PLCH1: variants seen among roughly 807,000 people sequenced by gnomAD.
The protein encoded by PLCH1 is phospholipase C eta 1, also known as 1-phosphatidylinositol 4,5-bisphosphate phosphodiesterase eta-1.
A neutral mutation model predicts 126.7 loss-of-function variants in PLCH1; 60 were observed. The ratio of observed to expected loss-of-function variants is 0.47; its 90% CI spans 0.38 to 0.59. The LOEUF is 0.59. Ranked by LOEUF, PLCH1 falls within the 20% of genes least tolerant of loss-of-function variation. The pLI is 0.00. For synonymous variants in PLCH1, 719 were observed against 734.9 expected, an observed-to-expected ratio of 0.98 and a Z score of 0.35; for missense variants, 1,723 against 2,040.0, an observed-to-expected ratio of 0.84 and a Z score of 2.99.
intron 1 of PLCH1, among the ~76,000 whole-genome samples, chr3:155,710,265 T>C (rs1291734653): frequency 6.6e-6 from 1 of 152,100 alleles, no homozygotes; most frequent in East Asian, 1.9e-4. Flanking sequence ...TCTGGGATTA[T>C]AGACATGAAG....
At chr3:155,474,318 A>G (rs1356262559) in intron 21 of PLCH1, among the ~76,000 whole-genome samples, 2 of 147,858 alleles carry the variant, frequency 1.4e-5, no homozygotes, top group Non-Finnish European at 3.0e-5. Flanking sequence ...CAAAAAACAC[A>G]TGAAAAAATG....
At chr3:155,741,262 G>A (rs890721947) in intron 1 of PLCH1, among the ~76,000 whole-genome samples, 3 of 152,142 alleles carry the variant, frequency 2.0e-5, no homozygotes, top group Non-Finnish European at 2.9e-5. Flanking sequence ...AGCCAGCCTG[G>A]AATAAGCCCC....
intron 1 of PLCH1, among the ~76,000 whole-genome samples, chr3:155,717,910 A>G (rs1747649888): frequency 6.6e-6 from 1 of 152,116 alleles, no homozygotes; most frequent in East Asian, 1.9e-4. Flanking sequence ...TTTCTCTACC[A>G]CAAGGCCAGG....
chr3:155,665,701 C>A (rs1306149277), intron 2 of PLCH1, among the ~76,000 whole-genome samples: 1 of 152,100 alleles, frequency 6.6e-6, no homozygotes, highest in African/African-American at 2.4e-5. Context: ...TGTGAGCCGG[C>A]AAAATATTTT....
chr3:155,570,728 T>C (rs1020665061), intron 6 of PLCH1, among the ~76,000 whole-genome samples: 2 of 152,216 alleles, frequency 1.3e-5, no homozygotes, highest in Non-Finnish European at 2.9e-5. Flanking sequence ...AAGATCAAAT[T>C]TGGACCTTCT....
chr3:155,625,258 A>T (rs1187068896), intron 2 of PLCH1, among the ~76,000 whole-genome samples: 14 of 152,228 alleles, frequency 9.2e-5, no homozygotes. Flanking sequence ...TGGATTAAAG[A>T]CTTAAACGTA....
chr3:155,531,899 GT>G (rs1384476120), intron 10 of PLCH1, among the ~76,000 whole-genome samples: 1 of 152,220 alleles, frequency 6.6e-6, no homozygotes, highest in African/African-American at 2.4e-5. Flanking sequence ...GTTGTAGCTG[GT>G]TTGATCATTT....
chr3:155,721,515 C>T (rs143595017), intron 1 of PLCH1, among the ~76,000 whole-genome samples: 4 of 152,110 alleles, frequency 2.6e-5, no homozygotes, highest in Middle Eastern at 3.4e-3. Context: ...TCAGCTTGGT[C>T]GCTGTTCATG....
chr3:155,594,206 C>G (rs762687050), intron 3 of PLCH1, 22 bp from the exon 4 acceptor site: 7 of 1,605,640 alleles, frequency 4.4e-6, no homozygotes, highest in Non-Finnish European at 6.0e-6. Context: ...ATGAGATACA[C>G]ACAGTTATAC....
chr3:155,485,616 A>G lies in PLCH1; in HGVS notation c.2714T>C (p.Ile905Thr). 6.2e-7 allele frequency: 1 copy of G among 1,613,420 alleles called. No individual in the cohort carries two copies. Among genetic ancestry groups the G allele is most frequent in the Non-Finnish European group, 8.5e-7 (1 of 1,179,940 alleles). ...NNSHYVRKRS[I>T]GDRILRRTAS... ...TGTGCGTCGCAGAATTCTATCTCCAATGGATCGCTTCCGTACATAATGGGA... is the reference window on the plus strand; with the variant it reads ...TGTGCGTCGCAGAATTCTATCTCCAGTGGATCGCTTCCGTACATAATGGGA... The change falls in exon 22 of 23, where the codon ATT becomes ACT. Residue 905 changes from isoleucine (I) to threonine (T), a missense_variant. Around this residue, in one of 2 missense-constraint regions of PLCH1, gnomAD observed 947 missense variants for 977.1 expected, o/e 0.97. Transcript: ENST00000460012.
chr3:155,667,946 G>T (rs1742952030), intron 2 of PLCH1, among the ~76,000 whole-genome samples: 1 of 148,896 alleles, frequency 6.7e-6, no homozygotes, highest in African/African-American at 2.5e-5. Flanking sequence ...TTAGCCAGGA[G>T]TGGTGGCGTG....
intron 9 of PLCH1, among the ~76,000 whole-genome samples, chr3:155,553,403 G>A (rs899447270): frequency 1.2e-4 from 18 of 152,092 alleles, no homozygotes; most frequent in Non-Finnish European, 2.5e-4. Context: ...CACCGTGCCC[G>A]GCCTCACTGA....
At chr3:155,715,260 C>G (rs1038867828) in intron 1 of PLCH1, among the ~76,000 whole-genome samples, 1 of 152,050 alleles carries the variant, frequency 6.6e-6, no homozygotes, top group Non-Finnish European at 1.5e-5. Flanking sequence ...TTACAGTAAT[C>G]TCCATTGAAT....
chr3:155,574,656 A>G (rs1401901775), intron 6 of PLCH1, among the ~76,000 whole-genome samples: 1 of 152,218 alleles, frequency 6.6e-6, no homozygotes, highest in African/African-American at 2.4e-5. Flanking sequence ...CAACCACGGT[A>G]ACTATTAACC....
At chr3:155,518,576 T>C (rs1720658760) in intron 11 of PLCH1, among the ~76,000 whole-genome samples, 1 of 152,198 alleles carries the variant, frequency 6.6e-6, no homozygotes. Flanking sequence ...CCATTATTTC[T>C]ATCATGGAAC....
downstream of PLCH1, among the ~76,000 whole-genome samples, chr3:155,477,864 G>A (rs536538991): frequency 8.5e-5 from 13 of 152,146 alleles, no homozygotes; most frequent in African/African-American, 3.1e-4. Flanking sequence ...TAAAAATTGA[G>A]CTATCATATG....
At chr3:155,743,783 A>C (rs1192497835) in intron 1 of PLCH1, 2 of 287,870 alleles carry the variant, frequency 6.9e-6, no homozygotes, top group Non-Finnish European at 1.3e-5. Flanking sequence ...GCTGGGTTGT[A>C]CAAGCTCTGC....
chr3:155,730,660 C>T (rs1018448551), intron 1 of PLCH1, among the ~76,000 whole-genome samples: 1 of 152,030 alleles, frequency 6.6e-6, no homozygotes, highest in Non-Finnish European at 1.5e-5. Flanking sequence ...AATAAGTAAA[C>T]AAATAAAAGA....
chr3:155,604,253 T>C (rs1560233726), intron 2 of PLCH1, among the ~76,000 whole-genome samples: 1 of 152,206 alleles, frequency 6.6e-6, no homozygotes, highest in Non-Finnish European at 1.5e-5. Context: ...TCCTTGCCAG[T>C]AGTAAAGCCT....
Sources: gnomAD v4.1 joint callset for allele counts (sites outside exome capture counted in the v4.1 genomes callset) on GRCh38, gnomAD v4.1.1 for gene constraint, gnomAD v4.1.1 regional missense constraint, MANE v1.5 for transcripts, NCBI Gene and HGNC (gene_info 2026-07-23, HGNC 2026-07-21) for gene names.